PSMG2: variants seen among roughly 807,000 people sequenced by gnomAD.
The protein encoded by PSMG2 is CD40 ligand-activated specific transcript 3.
A neutral mutation model predicts 31.5 loss-of-function variants in PSMG2; 21 were observed. The ratio of observed to expected loss-of-function variants is 0.67; its 90% CI spans 0.47 to 0.96. PSMG2 has a LOEUF of 0.96. Among genes scored for constraint, PSMG2 ranks in the 40% least tolerant of loss-of-function variants. PSMG2 has a pLI of 0.00. For missense variants in PSMG2, 318 were observed against 321.2 expected (o/e 0.99, Z 0.08); for synonymous variants, 120 against 110.4 (o/e 1.09, Z -0.54).
intron 1 of PSMG2, among the ~76,000 whole-genome samples, chr18:12,679,827 C>A (rs2039281168): frequency 6.6e-6 from 1 of 152,022 alleles, no homozygotes; most frequent in African/African-American, 2.4e-5. Flanking sequence ...CTTTGGAAGG[C>A]CGTGGCAGGT....
upstream of PSMG2, among the ~76,000 whole-genome samples, chr18:12,702,130 G>C (rs1409878549): frequency 6.6e-6 from 1 of 151,692 alleles, no homozygotes. Flanking sequence ...TCTCAAGAAA[G>C]AAAAAAAACC....
chr18:12,669,687 CAAGGT>C (rs2038890800), intron 1 of PSMG2, among the ~76,000 whole-genome samples: 1 of 152,050 alleles, frequency 6.6e-6, no homozygotes, highest in African/African-American at 2.4e-5. Context: ...GCTAAATATA[CAAGGT>C]AAATTTAATT....
intron 1 of PSMG2, among the ~76,000 whole-genome samples, chr18:12,659,973 T>C (rs1256070227): frequency 6.6e-6 from 1 of 152,206 alleles, no homozygotes; most frequent in Non-Finnish European, 1.5e-5. Context: ...AAATACAGAC[T>C]GGTTTAAAAT....
chr18:12,662,313 C>G (rs2038708251), intron 1 of PSMG2: 1 of 359,994 alleles, frequency 2.8e-6, no homozygotes, highest in Non-Finnish European at 5.4e-6. Flanking sequence ...AGTTATACAA[C>G]TTGAAGGGTC....
chr18:12,665,566 G>T lies in PSMG2; in HGVS notation c.-37+6793G>T, dbSNP rs191524865. On this transcript the variant is annotated intron_variant, in intron 1 of 6. Transcript: ENST00000585331. ...AAGTGTAACCCTCGCTCCTACTCTC[G>T]ACCTAGCAATCTAATCCTTCTTAAG... is the stretch of plus-strand genomic sequence containing the variant. Among the ~76,000 whole-genome samples the T allele has an allele frequency of 5.9e-4, 90 of 152,160 alleles. No individual in the cohort carries two copies. In the South Asian group the frequency reaches 1.0e-2, roughly 17 times the overall value.
chr18:12,714,788 C>T (rs1408362115), intron 3 of PSMG2, among the ~76,000 whole-genome samples: 2 of 152,138 alleles, frequency 1.3e-5, no homozygotes, highest in East Asian at 3.9e-4. Context: ...TCACTGCAAC[C>T]TCCGCCTCCT....
chr18:12,672,514 A>T (rs571332554), intron 1 of PSMG2: 8 of 239,444 alleles, frequency 3.3e-5, no homozygotes, highest in Admixed American at 6.5e-5. Flanking sequence ...TCAATCTCTT[A>T]TTTAGATTAG....
chr18:12,666,757 A>G (rs1330144748), intron 1 of PSMG2, among the ~76,000 whole-genome samples: 1 of 152,098 alleles, frequency 6.6e-6, no homozygotes, highest in Non-Finnish European at 1.5e-5. Flanking sequence ...CCAAAAAAAA[A>G]AAAACTTTTG....
intron 1 of PSMG2, chr18:12,697,444 AC>A: frequency 7.2e-7 from 1 of 1,395,072 alleles, no homozygotes; most frequent in Non-Finnish European, 9.9e-7. Context: ...ATACCACACT[AC>A]ATATTCAGTT....
chr18:12,688,787 T>C (rs1014338102), intron 1 of PSMG2, among the ~76,000 whole-genome samples: 12 of 152,176 alleles, frequency 7.9e-5, no homozygotes, highest in Non-Finnish European at 1.6e-4. Flanking sequence ...GCTACCATAC[T>C]GGTTAGCACA....
rs187150005 is a variant in PSMG2 at position 12,697,170 on chromosome 18, A to G, written c.-36-9380A>G. On this transcript the variant is annotated intron_variant, in intron 1 of 6. Transcript: ENST00000585331. ...CATTTTAAAGATATAAAATATATTT[A>G]CAAATGAACTGTGGCTATAAAAAGG... 36 of 1,215,506 alleles carry G rather than the reference A, an allele frequency of 3.0e-5. No homozygotes were observed. The East Asian group carries it at 7.9e-4, about 27-fold the overall frequency. The allele number at this position is 1,215,506 out of a possible 1,614,324, so 75.3% of individuals were successfully genotyped here. A position where few individuals can be genotyped will look rare whatever the true frequency, so the allele number is the denominator to read the frequency against.
At chr18:12,673,218 C>G (rs1462506212) in intron 1 of PSMG2, 11 of 1,355,874 alleles carry the variant, frequency 8.1e-6, no homozygotes, top group Non-Finnish European at 1.0e-5. Context: ...TTTTTTTAAA[C>G]ATTACCAGTC....
At chr18:12,677,397 C>G (rs1256884703) in intron 1 of PSMG2, among the ~76,000 whole-genome samples, 1 of 145,934 alleles carries the variant, frequency 6.9e-6, no homozygotes, top group African/African-American at 2.5e-5. Context: ...AAGATCACGC[C>G]ACTGTGCCAA....
At chr18:12,661,355 AC>A (rs1426357878) in intron 1 of PSMG2, 12 of 984,640 alleles carry the variant, frequency 1.2e-5, no homozygotes, top group Non-Finnish European at 1.4e-5. Flanking sequence ...ATCCATCATC[AC>A]AACACTCTGA....
chr18:12,680,411 C>T (rs2039303732), intron 1 of PSMG2, among the ~76,000 whole-genome samples: 1 of 151,726 alleles, frequency 6.6e-6, no homozygotes, highest in South Asian at 2.1e-4. Flanking sequence ...GCCTGGCTAA[C>T]ATGGTGAAAA....
At chr18:12,665,690 T>G (rs2038787541) in intron 1 of PSMG2, among the ~76,000 whole-genome samples, 1 of 152,214 alleles carries the variant, frequency 6.6e-6, no homozygotes, top group Non-Finnish European at 1.5e-5. Flanking sequence ...ACAAACTTCT[T>G]AAAAATTTTT....
At chr18:12,706,422 G>C in intron 1 of PSMG2, 128 bp from the exon 2 acceptor site, 1 of 904,752 alleles carries the variant, frequency 1.1e-6, no homozygotes, top group Non-Finnish European at 1.7e-6. Context: ...AGGAGGCAGA[G>C]GCTGCAGTGA....
chr18:12,705,957 A>G (rs1375081005), intron 1 of PSMG2, among the ~76,000 whole-genome samples: 1 of 152,176 alleles, frequency 6.6e-6, no homozygotes, highest in African/African-American at 2.4e-5. Flanking sequence ...ACTGGAATGG[A>G]AGTTCCATGA....
intron 1 of PSMG2, chr18:12,692,319 A>G (rs904965437): frequency 1.3e-5 from 2 of 151,904 alleles, no homozygotes; most frequent in African/African-American, 4.8e-5. Context: ...CTATCTCAAA[A>G]AAAAAAAAAA....
Sources: gnomAD v4.1 joint callset for allele counts (sites outside exome capture counted in the v4.1 genomes callset) on GRCh38, gnomAD v4.1.1 for gene constraint, MANE v1.5 for transcripts, NCBI Gene and HGNC (gene_info 2026-07-23, HGNC 2026-07-21) for gene names.